MYLK2: variants seen among roughly 807,000 people sequenced by gnomAD.
MYLK2 encodes myosin light chain kinase 2, also known as myosin light chain kinase 2, skeletal/cardiac muscle.
Under a neutral mutation model 58.2 loss-of-function variants are expected in MYLK2, and 27 were observed. The ratio of observed to expected loss-of-function variants is 0.46; its 90% confidence interval spans 0.34 to 0.64. The LOEUF (loss-of-function observed/expected upper bound fraction) is 0.64. Ranked by LOEUF, MYLK2 falls within the 30% of genes least tolerant of loss-of-function variation. The pLI, the probability that MYLK2 is intolerant of heterozygous loss-of-function variation, is 0.01. For synonymous variants in MYLK2, 310 were observed against 296.7 expected, an observed-to-expected ratio of 1.04 and a Z score of -0.46; for missense variants, 676 against 764.3, an observed-to-expected ratio of 0.88 and a Z score of 1.36.
At chr20:31,824,541 T>A in intron 6 of MYLK2, 189 bp downstream of exon 6, 1 of 985,418 alleles carries the variant, frequency 1.0e-6, no homozygotes, top group Middle Eastern at 5.2e-4. Context: ...ACCCTACCCA[T>A]AACCAGATAC....
intron 10 of MYLK2, 87 bp from the exon 11 acceptor site, chr20:31,831,616 A>G (rs2062306706): frequency 1.4e-6 from 2 of 1,478,114 alleles, no homozygotes; most frequent in Non-Finnish European, 1.9e-6. Flanking sequence ...GCTGCCTCCT[A>G]GGATCTGCCC....
chr20:31,822,934 G>A (rs893018448), intron 4 of MYLK2, among the ~76,000 whole-genome samples: 2 of 152,206 alleles, frequency 1.3e-5, no homozygotes, highest in African/African-American at 4.8e-5. Flanking sequence ...ATGACCGCCT[G>A]CCGGCCTGCC....
At chr20:31,827,226 G>T in intron 8 of MYLK2, 1 of 985,432 alleles carries the variant, frequency 1.0e-6, no homozygotes, top group Non-Finnish European at 1.2e-6. Flanking sequence ...AGTCCTGTGA[G>T]CCCCAAGCTC....
In MYLK2 at chr20:31,819,586, G is replaced by A. The variant is rs201983158; in HGVS notation, c.6G>A (p.Ala2=). M[A]TENGAVELGI... ...AGCACACGCCTCCCTACCTCATGGC[G>A]ACAGAAAATGGAGCAGTTGAGCTGG... The change falls in exon 2 of 13, where the codon GCG becomes GCA. Residue 2 remains alanine (A), a synonymous_variant. Coordinates refer to ENST00000375985, the MANE Select transcript of MYLK2 (RefSeq NM_033118.4). 19 of 1,551,520 alleles carry A rather than the reference G, an allele frequency of 1.2e-5. No homozygotes were observed. The East Asian group carries it at 3.4e-4, about 28-fold the overall frequency.
At chr20:31,826,526 T>C (rs2062280284) in intron 6 of MYLK2, 79 bp from the exon 7 acceptor site, 1 of 1,590,586 alleles carries the variant, frequency 6.3e-7, no homozygotes, top group Admixed American at 1.8e-5. Context: ...AGCAGGCCTG[T>C]TCAAGGGTGC....
In MYLK2 at chr20:31,827,570, G is replaced by A. The variant is rs1356888128; in HGVS notation, c.1224+632G>A. 9 of 983,110 alleles carry A rather than the reference G, an allele frequency of 9.2e-6. No individual in the cohort carries two copies. The South Asian group carries it at 2.4e-4, about 26-fold the overall frequency. 60.9% of individuals were successfully genotyped at this position (983,110 alleles called of 1,614,324 possible). A position where few individuals can be genotyped will look rare whatever the true frequency, so the allele number is the denominator to read the frequency against. On this transcript the variant is annotated intron_variant, in intron 8 of 12. Coordinates refer to ENST00000375985, the MANE Select transcript of MYLK2 (RefSeq NM_033118.4). ...GTCTCACTCTGTTGCCCAGGCTGGAGTGCAGTGGCGCTATCTTGGCTCACT... is the reference window on the plus strand; with the variant it reads ...GTCTCACTCTGTTGCCCAGGCTGGAATGCAGTGGCGCTATCTTGGCTCACT...
At chr20:31,825,947 C>T (rs540294336) in intron 6 of MYLK2, among the ~76,000 whole-genome samples, 3 of 152,136 alleles carry the variant, frequency 2.0e-5, no homozygotes, top group East Asian at 1.9e-4. Flanking sequence ...GGAGGAGGTG[C>T]GAATGATTGG....
chr20:31,827,071 C>A, intron 8 of MYLK2, 133 bp downstream of exon 8: 1 of 1,513,254 alleles, frequency 6.6e-7, no homozygotes. Context: ...TTCATAGATT[C>A]AGAAAGGGTT....
chr20:31,820,696 C>A (rs2062248505), intron 3 of MYLK2, 150 bp downstream of exon 3: 3 of 1,007,524 alleles, frequency 3.0e-6, no homozygotes, highest in Admixed American at 2.1e-5. Context: ...CTGTGAATTG[C>A]CTCTACCGCC....
rs550830841 is a variant in MYLK2 at position 31,831,979 on chromosome 20, C to T, written c.1578-25C>T. On this transcript the variant is annotated intron_variant, in intron 11 of 12. Transcript: ENST00000375985. ...GGGGCCTCACGAGCATGCAGCCCACCGTCACCATGCTGCCTCTCCCCCAGG... is the reference window on the plus strand; with the variant it reads ...GGGGCCTCACGAGCATGCAGCCCACTGTCACCATGCTGCCTCTCCCCCAGG... 7.1e-5 allele frequency: 114 copies of T among 1,611,956 alleles called. 2 individuals carry two copies. The South Asian group carries it at 7.3e-4, about 10-fold the overall frequency.
chr20:31,821,771 C>T, intron 4 of MYLK2, 34 bp downstream of exon 4: 4 of 1,520,102 alleles, frequency 2.6e-6, no homozygotes, highest in Non-Finnish European at 3.6e-6. Context: ...TGGGGCTGCC[C>T]TGGGGCCAGG....
At chr20:31,830,288 T>G (rs1336422925) in intron 8 of MYLK2, among the ~76,000 whole-genome samples, 1 of 152,022 alleles carries the variant, frequency 6.6e-6, no homozygotes, top group African/African-American at 2.4e-5. Flanking sequence ...GGGCCTGATG[T>G]TTTGTAGCTC....
At chr20:31,822,714 CG>C (rs1407221953) in intron 4 of MYLK2, among the ~76,000 whole-genome samples, 1 of 152,090 alleles carries the variant, frequency 6.6e-6, no homozygotes, top group Non-Finnish European at 1.5e-5. Context: ...TGAGCGGCAC[CG>C]TGCCACCCAG....
chr20:31,832,504 C>A (rs1433550848), intron 12 of MYLK2, among the ~76,000 whole-genome samples: 4 of 151,986 alleles, frequency 2.6e-5, no homozygotes, highest in African/African-American at 9.7e-5. Context: ...ATCTTTTTTT[C>A]TTTCTTTCAA....
intron 12 of MYLK2, among the ~76,000 whole-genome samples, chr20:31,832,914 G>T (rs2062313896): frequency 6.6e-6 from 1 of 152,070 alleles, no homozygotes; most frequent in Non-Finnish European, 1.5e-5. Context: ...TAGAGACAGG[G>T]TCTCACTCTG....
intron 8 of MYLK2, 33 bp downstream of exon 8, chr20:31,826,971 G>C (rs747333534): frequency 2.5e-6 from 4 of 1,613,580 alleles, no homozygotes; most frequent in South Asian, 1.1e-5. Context: ...GAAGGGTCAG[G>C]GGCAGCCTCC....
In MYLK2 at chr20:31,826,933, C is replaced by A; in HGVS notation, c.1219C>A (p.Leu407Ile). The A allele has an allele frequency of 6.2e-7, 1 of 1,614,096 alleles. No homozygotes were observed. Among genetic ancestry groups the A allele is most frequent in the Non-Finnish European group, 8.5e-7 (1 of 1,180,020 alleles). Residue 407 changes from leucine to isoleucine, a missense_variant, in exon 8 of 13, where the codon CTC (leucine) becomes ATC (isoleucine). Leu to Ile is a conservative substitution (Grantham distance 5, BLOSUM62 2). Around this residue, in one of 2 missense-constraint regions of MYLK2, gnomAD observed 370 missense variants for 467.8 expected, o/e 0.79. Transcript: ENST00000375985. ...MHKMRVLHLDLKPENILCVNT... is the reference protein window; with the variant it reads ...MHKMRVLHLDIKPENILCVNT... ...CAAGATGAGGGTTTTGCACCTGGAC[C>A]TCAAGGTACCAGACTGGGGCCTCCT...
chr20:31,824,095 G>A, intron 5 of MYLK2, 164 bp from the exon 6 acceptor site: 2 of 985,456 alleles, frequency 2.0e-6, no homozygotes, highest in Non-Finnish European at 2.4e-6. Context: ...ACAGCTCACA[G>A]CTTCAGGAGG....
intron 11 of MYLK2, 56 bp from the exon 12 acceptor site, chr20:31,831,948 G>A (rs2062308563): frequency 6.2e-7 from 1 of 1,612,884 alleles, no homozygotes. Flanking sequence ...GGCCAGCTGA[G>A]CCCCTGGGGC....
Sources: gnomAD v4.1 joint callset for allele counts (sites outside exome capture counted in the v4.1 genomes callset) on GRCh38, gnomAD v4.1.1 for gene constraint, gnomAD v4.1.1 regional missense constraint, MANE v1.5 for transcripts, NCBI Gene and HGNC (gene_info 2026-07-23, HGNC 2026-07-21) for gene names.